The following ATOSB variants were observed in gnomAD, a reference collection of about 807,000 sequenced individuals.
ATOSB encodes the protein atos homolog B, also known as atos homolog protein B.
chr9:35,105,328 G>A, the ATOSB span: 107 of 1,613,966 alleles, frequency 6.6e-5, 1 homozygote, highest in Admixed American at 1.2e-4. This position sits in a 1 kb window ranked among gnomAD's most constrained non-coding sequence, Gnocchi z 5.5. Flanking sequence ...AAAAGCAGGC[G>A]GATATCTCCA....
chr9:35,105,756 G>A, the ATOSB span: 3 of 1,613,978 alleles, frequency 1.9e-6, no homozygotes, highest in African/African-American at 4.0e-5. This position sits in a 1 kb window ranked among gnomAD's most constrained non-coding sequence, Gnocchi z 5.5. Context: ...GCACCAAAAA[G>A]AGGCGATGGC....
chr9:35,106,331 T>C, the ATOSB span: 1 of 1,614,138 alleles, frequency 6.2e-7, no homozygotes, highest in Admixed American at 1.7e-5. The surrounding 1 kb of genome is among the most constrained non-coding windows in gnomAD (Gnocchi z 4.6). Context: ...CTGGGGGCAG[T>C]ATGACCCACT....
the ATOSB span, chr9:35,106,867 C>A: frequency 6.4e-7 from 1 of 1,572,564 alleles, no homozygotes; most frequent in East Asian, 2.3e-5. The surrounding 1 kb of genome is among the most constrained non-coding windows in gnomAD (Gnocchi z 4.6). Flanking sequence ...AGCCTCCGCC[C>A]CATGGGACCG....
the ATOSB span, chr9:35,105,715 G>T: frequency 6.2e-7 from 1 of 1,613,980 alleles, no homozygotes; most frequent in Non-Finnish European, 8.5e-7. This position sits in a 1 kb window ranked among gnomAD's most constrained non-coding sequence, Gnocchi z 5.5. Flanking sequence ...GAGGCGGTGG[G>T]TGGGGTTAGC....
chr9:35,110,645 C>A, the ATOSB span: 1 of 152,468 alleles, frequency 6.6e-6, no homozygotes. Context: ...CATCAAACAG[C>A]TGTGCCAGGC....
the ATOSB span, among the ~76,000 whole-genome samples, chr9:35,113,373 C>T: frequency 3.3e-5 from 5 of 152,150 alleles, no homozygotes; most frequent in Non-Finnish European, 7.3e-5. Context: ...CGCCTGTAAT[C>T]CCAGCACTTT....
At chr9:35,112,045 C>T in the ATOSB span, among the ~76,000 whole-genome samples, 1 of 152,288 alleles carries the variant, frequency 6.6e-6, no homozygotes, top group South Asian at 2.1e-4. Context: ...TTTGTCTTTC[C>T]CCACCTTCCA....
At chr9:35,113,395 G>C in the ATOSB span, among the ~76,000 whole-genome samples, 1 of 152,182 alleles carries the variant, frequency 6.6e-6, no homozygotes, top group Non-Finnish European at 1.5e-5. Flanking sequence ...GGAGGCCAAA[G>C]TGGGCGGATC....
the ATOSB span, among the ~76,000 whole-genome samples, chr9:35,113,923 G>A: frequency 1.3e-5 from 2 of 152,232 alleles, no homozygotes; most frequent in East Asian, 1.9e-4. Flanking sequence ...ACAGCAATCC[G>A]GCGATCTGGA....
At chr9:35,107,298 T>C in the ATOSB span, 42 of 1,441,414 alleles carry the variant, frequency 2.9e-5, no homozygotes, top group East Asian at 9.6e-4. Flanking sequence ...ACTCCAGCAG[T>C]GATGGAGTGA....
At chr9:35,106,415 G>C in the ATOSB span, 16 of 1,614,044 alleles carry the variant, frequency 9.9e-6, no homozygotes, top group African/African-American at 1.3e-5. This position sits in a 1 kb window ranked among gnomAD's most constrained non-coding sequence, Gnocchi z 4.6. Flanking sequence ...TGATTCCTGG[G>C]ATTAGGGTAG....
At chr9:35,114,039 A>G in the ATOSB span, among the ~76,000 whole-genome samples, 1 of 152,184 alleles carries the variant, frequency 6.6e-6, no homozygotes, top group Non-Finnish European at 1.5e-5. Flanking sequence ...ATGACTGCTG[A>G]GGGCCTCTGC....
At chr9:35,115,213 A>T in the ATOSB span, among the ~76,000 whole-genome samples, 1 of 152,058 alleles carries the variant, frequency 6.6e-6, no homozygotes, top group African/African-American at 2.4e-5. Flanking sequence ...ACATTCACAC[A>T]AGCCCTAGTG....
At chr9:35,112,170 T>C in the ATOSB span, among the ~76,000 whole-genome samples, 3 of 152,206 alleles carry the variant, frequency 2.0e-5, no homozygotes, top group African/African-American at 4.8e-5. Context: ...AGTGGTACTT[T>C]TCCCTCTGTT....
At chr9:35,107,408 C>T in the ATOSB span, 1 of 1,613,350 alleles carries the variant, frequency 6.2e-7, no homozygotes, top group South Asian at 1.1e-5. Context: ...GCCCAGGCAG[C>T]AGGTGGCTCC....
At chr9:35,116,234 C>A in the ATOSB span, 1 of 152,394 alleles carries the variant, frequency 6.6e-6, no homozygotes, top group African/African-American at 2.4e-5. Context: ...GCCCCTCCTC[C>A]TTCCGCCCCT....
chr9:35,108,431 T>C, the ATOSB span: 1 of 1,397,252 alleles, frequency 7.2e-7, no homozygotes. Flanking sequence ...ACCCTCTCCT[T>C]GCCTAAAGGG....
the ATOSB span, chr9:35,105,901 T>C: frequency 1.2e-6 from 2 of 1,613,878 alleles, no homozygotes; most frequent in Non-Finnish European, 1.7e-6. The surrounding 1 kb of genome is among the most constrained non-coding windows in gnomAD (Gnocchi z 5.5). Context: ...GAGGGCTGCT[T>C]TCCTCTCTCC....
the ATOSB span, chr9:35,106,624 G>A: frequency 1.3e-4 from 206 of 1,555,870 alleles, no homozygotes; most frequent in African/African-American, 1.1e-3. This position sits in a 1 kb window ranked among gnomAD's most constrained non-coding sequence, Gnocchi z 4.6. Context: ...GGCCCCTTCC[G>A]GAGGCTTCGA....
Sources: gnomAD v4.1 joint callset for allele counts (sites outside exome capture counted in the v4.1 genomes callset) on GRCh38, gnomAD v4.1.1 for gene constraint, Gnocchi (gnomAD v3.1) non-coding constraint, MANE v1.5 for transcripts, NCBI Gene and HGNC (gene_info 2026-07-23, HGNC 2026-07-21) for gene names.